Variants in CACNA2D1 observed in about 807,000 individuals in gnomAD.
The protein encoded by CACNA2D1 is voltage-dependent calcium channel subunit alpha-2/delta-1.
In CACNA2D1, 53 loss-of-function variants were observed where a neutral mutation model predicts 171.5. That is an observed-to-expected ratio of 0.31 (90% CI 0.25 to 0.39). The LOEUF is 0.39. Among genes scored for constraint, CACNA2D1 ranks in the 10% least tolerant of loss-of-function variants. The probability of loss-of-function intolerance (pLI) is 1.00; values close to 1 mark genes in which losing one functional copy is unlikely to be tolerated. For missense variants in CACNA2D1, 903 were observed against 1,299.8 expected (o/e 0.69, Z 4.69); for synonymous variants, 442 against 443.1 (o/e 1.00, Z 0.03).
chr7:82,269,727 T>C (rs967712940), intron 3 of CACNA2D1, among the ~76,000 whole-genome samples: 1 of 152,180 alleles, frequency 6.6e-6, no homozygotes, highest in Non-Finnish European at 1.5e-5. Flanking sequence ...TCTGAGTGAA[T>C]GATTGAGGCA....
chr7:82,184,028 A>G (rs1397091119), intron 3 of CACNA2D1, among the ~76,000 whole-genome samples: 2 of 151,702 alleles, frequency 1.3e-5, no homozygotes, highest in Non-Finnish European at 2.9e-5. Context: ...TAAATAATTT[A>G]CCTTTGAGTT....
At chr7:82,080,147 ATACCTATATATG>A (rs1809563720) in intron 7 of CACNA2D1, among the ~76,000 whole-genome samples, 6 of 55,060 alleles carry the variant, frequency 1.1e-4, no homozygotes, top group African/African-American at 1.7e-4. Flanking sequence ...ACACACCTAT[ATACCTATATATG>A]TATATAGGTG....
chr7:82,340,674 A>C (rs1027695584), intron 2 of CACNA2D1, among the ~76,000 whole-genome samples: 1 of 152,192 alleles, frequency 6.6e-6, no homozygotes, highest in African/African-American at 2.4e-5. Flanking sequence ...TACAATTTCC[A>C]TTAGGCATCA....
intron 7 of CACNA2D1, among the ~76,000 whole-genome samples, chr7:82,076,915 G>A (rs1809034507): frequency 1.3e-5 from 2 of 151,912 alleles, no homozygotes; most frequent in African/African-American, 4.8e-5. Flanking sequence ...GAAACATTTT[G>A]CCTTCTCTTC....
Position 81,949,238 on chromosome 7 carries a change from G to C in CACNA2D1, c.*1154C>G, listed in dbSNP as rs766930293. The C allele has an allele frequency of 7.9e-5, 12 of 152,010 alleles. No individual in the cohort carries two copies. The highest frequency in any genetic ancestry group is 1.2e-4 in the Non-Finnish European group (8 of 67,954). 9.4% of individuals were successfully genotyped at this position (152,010 alleles called of 1,614,324 possible). On this transcript the variant is annotated 3_prime_UTR_variant, in exon 39 of 39. Coordinates refer to ENST00000356860, the MANE Select transcript of CACNA2D1 (RefSeq NM_000722.4). ...TATGTACTTAAAATATCTGTACATAGGTTATCAGGCGAAAGCATGAATCTG... is the reference window on the plus strand; with the variant it reads ...TATGTACTTAAAATATCTGTACATACGTTATCAGGCGAAAGCATGAATCTG...
intron 6 of CACNA2D1, among the ~76,000 whole-genome samples, chr7:82,115,832 T>C (rs1193011734): frequency 1.3e-5 from 2 of 152,062 alleles, no homozygotes; most frequent in African/African-American, 4.8e-5. Flanking sequence ...CAACAAACAC[T>C]TACATAGCAC....
chr7:82,007,087 T>C (rs1240662789), intron 16 of CACNA2D1, among the ~76,000 whole-genome samples: 2 of 152,076 alleles, frequency 1.3e-5, no homozygotes, highest in Non-Finnish European at 2.9e-5. Flanking sequence ...AGATAAATAA[T>C]TTTTAGAACT....
intron 3 of CACNA2D1, among the ~76,000 whole-genome samples, chr7:82,324,091 T>C (rs1432468779): frequency 6.6e-6 from 1 of 152,164 alleles, no homozygotes; most frequent in African/African-American, 2.4e-5. Context: ...GCATGGTGGC[T>C]CACGCCTGTA....
At chr7:81,975,027 TA>T (rs59316260) in intron 24 of CACNA2D1, among the ~76,000 whole-genome samples, 4 of 148,596 alleles carry the variant, frequency 2.7e-5, no homozygotes, top group East Asian at 2.0e-4. Context: ...GAACTTAAAA[TA>T]AAAAAAAAAT....
intron 1 of CACNA2D1, among the ~76,000 whole-genome samples, chr7:82,388,448 G>A (rs891767250): frequency 1.3e-5 from 2 of 152,098 alleles, no homozygotes; most frequent in Admixed American, 6.5e-5. Context: ...TTGATTTTTC[G>A]TTTTTCACAT....
intron 38 of CACNA2D1, among the ~76,000 whole-genome samples, chr7:81,958,416 C>G (rs1340331951): frequency 1.3e-5 from 2 of 151,878 alleles, no homozygotes; most frequent in African/African-American, 4.8e-5. Context: ...ACTGAAGAAT[C>G]AGAATTAGGA....
At chr7:82,268,311 A>T (rs1808178570) in intron 3 of CACNA2D1, among the ~76,000 whole-genome samples, 1 of 152,230 alleles carries the variant, frequency 6.6e-6, no homozygotes, top group African/African-American at 2.4e-5. Context: ...ATAATGTTTC[A>T]ATATTAAATA....
At position 82,265,010 on chromosome 7, in the gene CACNA2D1, T is replaced by C. The variant is rs199741253; in HGVS notation, c.294+70125A>G. Among the ~76,000 whole-genome samples, 7 of 152,284 alleles carry C rather than the reference T, an allele frequency of 4.6e-5. No individual in the cohort carries two copies. In the East Asian group the frequency reaches 1.4e-3, roughly 29 times the overall value. Reference sequence around the variant, plus strand: ...ACTGCAATGACACATCAGGTTTCTGTTATATTAAAAAAGAACACATAAGTC... The same window carrying C: ...ACTGCAATGACACATCAGGTTTCTGCTATATTAAAAAAGAACACATAAGTC... On this transcript the variant is annotated intron_variant, in intron 3 of 38. Transcript: ENST00000356860.
intron 3 of CACNA2D1, among the ~76,000 whole-genome samples, chr7:82,175,306 T>C (rs1450737904): frequency 6.6e-6 from 1 of 152,042 alleles, no homozygotes; most frequent in Non-Finnish European, 1.5e-5. Flanking sequence ...TCAAAACAAT[T>C]TCTTCAGCTA....
chr7:82,093,295 T>C (rs1468303426), intron 6 of CACNA2D1, among the ~76,000 whole-genome samples: 2 of 152,162 alleles, frequency 1.3e-5, no homozygotes, highest in Non-Finnish European at 2.9e-5. Context: ...ATACTACTTG[T>C]CATTTAGTAA....
intron 1 of CACNA2D1, among the ~76,000 whole-genome samples, chr7:82,364,497 AC>A (rs1368812604): frequency 2.6e-5 from 4 of 152,192 alleles, no homozygotes; most frequent in African/African-American, 9.7e-5. Flanking sequence ...GCCCTGGGAT[AC>A]CAAACTGCAC....
In CACNA2D1 at chr7:81,947,603, A is replaced by T. The variant is rs1792139270; in HGVS notation, c.*2789T>A. On this transcript the variant is annotated 3_prime_UTR_variant, in exon 39 of 39. Transcript: ENST00000356860. ...AGCTCACTTGAACTCTGTTTTAGTGACTAACTACACTAAGCCACATGAGTA... is the reference window on the plus strand; with the variant it reads ...AGCTCACTTGAACTCTGTTTTAGTGTCTAACTACACTAAGCCACATGAGTA... 1 of 151,944 alleles carries T rather than the reference A, an allele frequency of 6.6e-6. No homozygotes were observed. Among genetic ancestry groups the T allele is most frequent in the Admixed American group, 6.6e-5 (1 of 15,248 alleles). 9.4% of individuals were successfully genotyped at this position (151,944 alleles called of 1,614,324 possible). A position where few individuals can be genotyped will look rare whatever the true frequency, so the allele number is the denominator to read the frequency against.
At position 82,245,418 on chromosome 7, in the gene CACNA2D1, T is replaced by A. The variant is rs565565688; in HGVS notation, c.295-74809A>T. Among the ~76,000 whole-genome samples, 11 of 152,252 alleles carry A rather than the reference T, an allele frequency of 7.2e-5. No homozygotes were observed. The East Asian group carries it at 2.1e-3, about 29-fold the overall frequency. The stretch of plus-strand genomic sequence containing the variant: ...GAAGTCTCCCCTACACAATTGAAAT[T>A]CGCCTTTAATGGTTTCCAAGAGGAC... On this transcript the variant is annotated intron_variant, in intron 3 of 38. Transcript: ENST00000356860.
At chr7:82,060,206 T>C (rs1254792899) in intron 10 of CACNA2D1, among the ~76,000 whole-genome samples, 1 of 30,548 alleles carries the variant, frequency 3.3e-5, no homozygotes, top group Admixed American at 7.5e-4. Context: ...ATATATTATA[T>C]ATATAATATA....
Sources: allele counts gnomAD v4.1 joint callset (sites outside exome capture counted in the v4.1 genomes callset), GRCh38; gene constraint gnomAD v4.1.1; transcripts MANE v1.5; gene names NCBI Gene and HGNC (gene_info 2026-07-23, HGNC 2026-07-21).